DACH1: variants seen among roughly 807,000 people sequenced by gnomAD.
DACH1 encodes the protein dachshund homolog 1.
A neutral mutation model predicts 54.2 loss-of-function variants in DACH1; 12 were observed. The observed-to-expected ratio is 0.22, with a 90% CI of 0.14 to 0.36. DACH1 has a LOEUF of 0.36. DACH1 is among the 10% of genes least tolerant of loss of function. The pLI, the probability that DACH1 is intolerant of heterozygous loss-of-function variation, is 1.00. For missense variants in DACH1, 805 were observed against 929.8 expected, an observed-to-expected ratio of 0.87 and a Z score of 1.75; for synonymous variants, 386 against 366.2, an observed-to-expected ratio of 1.05 and a Z score of -0.62.
rs1195874726 is a variant in DACH1 at position 71,735,360 on chromosome 13, CACGTATACGGGATATACGT to C, written c.849-53469_849-53451del. 5.3e-4 allele frequency among the ~76,000 whole-genome samples: 20 copies of C among 37,592 alleles called. 1 individual carries two copies. The highest frequency in any genetic ancestry group is 1.1e-3 in the African/African-American group (18 of 16,194). 24.7% of individuals were successfully genotyped at this position (37,592 alleles called of 152,430 possible). ...GGGATATACGTGTATATGGGATATA[CACGTATACGGGATATACGT>C]GTATATGGGATATACACGTATACGG... is the stretch of plus-strand genomic sequence containing the variant. On this transcript the variant is annotated intron_variant, in intron 1 of 10. Transcript: ENST00000613252.
chr13:71,818,737 T>A (rs1472727146), intron 1 of DACH1, among the ~76,000 whole-genome samples: 3 of 152,208 alleles, frequency 2.0e-5, no homozygotes, highest in Non-Finnish European at 2.9e-5. Flanking sequence ...AACAAAAAGG[T>A]AAAGTAAATA....
At chr13:71,858,892 CCTCTCTCT>C (rs151258252) in intron 1 of DACH1, among the ~76,000 whole-genome samples, 1 of 142,156 alleles carries the variant, frequency 7.0e-6, no homozygotes, top group Non-Finnish European at 1.6e-5. Context: ...CCTCTCTCTG[CCTCTCTCT>C]CTCTCTCTCT....
chr13:71,704,657 A>C, intron 1 of DACH1: 1 of 333,952 alleles, frequency 3.0e-6, no homozygotes, highest in Non-Finnish European at 5.9e-6. Context: ...ATGGCTTAAA[A>C]GGTATTTAAA....
At chr13:71,679,845 A>G (rs1320479006) in intron 2 of DACH1, among the ~76,000 whole-genome samples, 3 of 149,032 alleles carry the variant, frequency 2.0e-5, no homozygotes, top group African/African-American at 4.9e-5. Flanking sequence ...ATTCGGGCGT[A>G]GTGGCACATG....
chr13:71,685,467 C>A (rs1881113047), intron 1 of DACH1, among the ~76,000 whole-genome samples: 1 of 152,150 alleles, frequency 6.6e-6, no homozygotes, highest in South Asian at 2.1e-4. Flanking sequence ...ATCACTTATT[C>A]TTTTGCCTAA....
At chr13:71,515,557 A>T (rs898921684) in intron 6 of DACH1, among the ~76,000 whole-genome samples, 2 of 151,558 alleles carry the variant, frequency 1.3e-5, no homozygotes, top group African/African-American at 4.8e-5. Context: ...TTGTATTTGA[A>T]ATCCTCAGAA....
chr13:71,571,001 T>C (rs952294204), intron 4 of DACH1, among the ~76,000 whole-genome samples: 1 of 152,184 alleles, frequency 6.6e-6, no homozygotes, highest in Admixed American at 6.5e-5. Flanking sequence ...TGCAGGAATA[T>C]GTAAGCCATC....
At chr13:71,667,434 A>G (rs1484335322) in intron 2 of DACH1, among the ~76,000 whole-genome samples, 3 of 152,204 alleles carry the variant, frequency 2.0e-5, no homozygotes, top group African/African-American at 4.8e-5. Flanking sequence ...GATAATGCTG[A>G]CAGTTTTTAT....
intron 1 of DACH1, among the ~76,000 whole-genome samples, chr13:71,699,698 G>A (rs928257313): frequency 6.6e-6 from 1 of 152,120 alleles, no homozygotes; most frequent in African/African-American, 2.4e-5. Context: ...AATTTCTCTT[G>A]TTTTCAGTCT....
chr13:71,496,180 G>A (rs971405050), intron 6 of DACH1, among the ~76,000 whole-genome samples: 3 of 149,866 alleles, frequency 2.0e-5, no homozygotes, highest in South Asian at 2.1e-4. Context: ...AGAGGTTGCG[G>A]TGAGCGGAGA....
rs541541829 is a variant in DACH1 at position 71,793,775 on chromosome 13, C to T, written c.848+72147G>A. ...CTACTGGGTTTAAGCGATCCTCCCA[C>T]CTCAGCCTCCCAAAATGTTGGGATT... is the stretch of plus-strand genomic sequence containing the variant. On this transcript the variant is annotated intron_variant, in intron 1 of 10. Transcript: ENST00000613252. Among the ~76,000 whole-genome samples the T allele has an allele frequency of 3.3e-5, 5 of 152,286 alleles. No homozygotes were observed. In the East Asian group the frequency reaches 9.7e-4, roughly 30 times the overall value.
intron 1 of DACH1, among the ~76,000 whole-genome samples, chr13:71,739,633 G>T (rs956912779): frequency 1.3e-5 from 2 of 152,142 alleles, no homozygotes; most frequent in African/African-American, 4.8e-5. Context: ...GTGGGTAGCA[G>T]CCACTGTCCT....
intron 1 of DACH1, among the ~76,000 whole-genome samples, chr13:71,841,770 T>A (rs1001731851): frequency 6.6e-6 from 1 of 152,246 alleles, no homozygotes; most frequent in Non-Finnish European, 1.5e-5. Flanking sequence ...TTGGTCATTA[T>A]GACTTTTCTA....
At chr13:71,655,230 T>C (rs1181089911) in intron 2 of DACH1, among the ~76,000 whole-genome samples, 1 of 152,190 alleles carries the variant, frequency 6.6e-6, no homozygotes, top group Admixed American at 6.5e-5. Flanking sequence ...CTATGCCATG[T>C]TATTACATTA....
intron 2 of DACH1, among the ~76,000 whole-genome samples, chr13:71,661,949 C>T (rs138355559): frequency 1.3e-5 from 2 of 152,172 alleles, no homozygotes; most frequent in African/African-American, 2.4e-5. Context: ...AATGTCCCTA[C>T]TCAGAGCCCC....
intron 1 of DACH1, among the ~76,000 whole-genome samples, chr13:71,685,839 T>C (rs1412917352): frequency 1.3e-5 from 2 of 152,180 alleles, no homozygotes; most frequent in East Asian, 3.9e-4. Flanking sequence ...AGGTGTAGAC[T>C]TGACCAAGCT....
intron 1 of DACH1, among the ~76,000 whole-genome samples, chr13:71,843,145 T>C (rs896444206): frequency 1.3e-5 from 2 of 152,212 alleles, no homozygotes; most frequent in African/African-American, 4.8e-5. Context: ...GATACAAGCA[T>C]GCAATGTGTA....
chr13:71,645,100 T>C (rs1935183226), intron 2 of DACH1, among the ~76,000 whole-genome samples: 2 of 152,210 alleles, frequency 1.3e-5, no homozygotes, highest in South Asian at 4.1e-4. Context: ...TTCATTAAAT[T>C]AGTAGAGGGT....
chr13:71,630,521 T>G (rs757351066), intron 3 of DACH1, 35 bp downstream of exon 3: 8 of 1,528,088 alleles, frequency 5.2e-6, no homozygotes, highest in Non-Finnish European at 7.0e-6. Flanking sequence ...AGTAGCAAAG[T>G]GATCACAATA....
Sources: gnomAD v4.1 joint callset for allele counts (sites outside exome capture counted in the v4.1 genomes callset) on GRCh38, gnomAD v4.1.1 for gene constraint, MANE v1.5 for transcripts, NCBI Gene and HGNC (gene_info 2026-07-23, HGNC 2026-07-21) for gene names.